The following ADGRB3 variants were observed in gnomAD, a reference collection of about 807,000 sequenced individuals.
The protein encoded by ADGRB3 is brain-specific angiogenesis inhibitor 3.
In ADGRB3, 37 loss-of-function variants were observed where a neutral mutation model predicts 193.4. That is an observed-to-expected ratio of 0.19 (90% CI 0.15 to 0.25). ADGRB3 has a LOEUF of 0.25. Ranked by LOEUF, ADGRB3 falls within the 10% of genes least tolerant of loss-of-function variation. ADGRB3 has a pLI of 1.00. For synonymous variants in ADGRB3, 690 were observed against 644.2 expected, an observed-to-expected ratio of 1.07 and a Z score of -1.08; for missense variants, 1,637 against 1,852.9, an observed-to-expected ratio of 0.88 and a Z score of 2.14.
chr6:68,970,886 A>G (rs1192430060), intron 8 of ADGRB3, among the ~76,000 whole-genome samples: 8 of 152,346 alleles, frequency 5.3e-5, no homozygotes, highest in Admixed American at 4.6e-4. Context: ...TGACTAGAAG[A>G]TGGATCCAAT....
intron 20 of ADGRB3, among the ~76,000 whole-genome samples, chr6:69,269,121 T>G (rs1230564534): frequency 6.6e-6 from 1 of 152,176 alleles, no homozygotes; most frequent in Non-Finnish European, 1.5e-5. Context: ...CATCCTCCCC[T>G]TTAGAAACGC....
At chr6:69,387,636 G>A (rs752605080) in intron 31 of ADGRB3, among the ~76,000 whole-genome samples, 1 of 152,006 alleles carries the variant, frequency 6.6e-6, no homozygotes, top group Non-Finnish European at 1.5e-5. Context: ...CTGGGCTTAA[G>A]CAATCCTCCT....
chr6:68,931,849 A>T (rs189037619), intron 4 of ADGRB3, among the ~76,000 whole-genome samples: 1 of 152,266 alleles, frequency 6.6e-6, no homozygotes, highest in African/African-American at 2.4e-5. Flanking sequence ...TTTTACAAGG[A>T]TTCACTTTTA....
At position 68,850,984 on chromosome 6, in the gene ADGRB3, T is replaced by A. The variant is rs145374692; in HGVS notation, c.758-79575T>A. On this transcript the variant is annotated intron_variant, in intron 3 of 31. Coordinates refer to ENST00000370598, the MANE Select transcript of ADGRB3 (RefSeq NM_001704.3). ...ATTTTTGAAGAATTTACATTCTCAA[T>A]GTGTTATTTAATAATATGAAATAAT... 6.6e-5 allele frequency among the ~76,000 whole-genome samples: 10 copies of A among 152,126 alleles called. No individual in the cohort carries two copies. The East Asian group carries it at 1.9e-3, about 29-fold the overall frequency.
intron 6 of ADGRB3, among the ~76,000 whole-genome samples, chr6:68,947,441 A>G (rs1054646709): frequency 3.3e-5 from 5 of 152,030 alleles, no homozygotes; most frequent in South Asian, 2.1e-4. Flanking sequence ...TTCTCTCTCC[A>G]TGCAACTCTA....
rs553197473 is a variant in ADGRB3, at chr6:68,886,167, T to C, written c.758-44392T>C. Reference sequence around the variant, plus strand: ...CTCAGAACCAGGAGCTGAAAGTACCTGTATCTCCACTGTTGTCAAATTCTG... The same window carrying C: ...CTCAGAACCAGGAGCTGAAAGTACCCGTATCTCCACTGTTGTCAAATTCTG... On this transcript the variant is annotated intron_variant, in intron 3 of 31. Transcript: ENST00000370598. 4.6e-5 allele frequency among the ~76,000 whole-genome samples: 7 copies of C among 152,246 alleles called. No homozygotes were observed. The East Asian group carries it at 5.8e-4, about 13-fold the overall frequency.
intron 3 of ADGRB3, among the ~76,000 whole-genome samples, chr6:68,875,152 CCTTCCTTCCTTCCTT>C (rs1765561081): frequency 1.0e-4 from 3 of 29,758 alleles, no homozygotes; most frequent in African/African-American, 4.3e-4. Flanking sequence ...ATTTCTTTCT[CCTTCCTTCCTTCCTT>C]CCTTCCTTCC....
chr6:69,308,396 G>A (rs963669545), intron 20 of ADGRB3, among the ~76,000 whole-genome samples: 7 of 149,908 alleles, frequency 4.7e-5, no homozygotes, highest in Non-Finnish European at 1.0e-4. Flanking sequence ...TGGAGGAATT[G>A]AGGAAGATAT....
chr6:68,787,745 G>T (rs1335094436), intron 3 of ADGRB3, among the ~76,000 whole-genome samples: 1 of 151,956 alleles, frequency 6.6e-6, no homozygotes, highest in Non-Finnish European at 1.5e-5. Context: ...GCTCCTATTT[G>T]TACCTCTGGT....
chr6:69,305,494 T>C (rs1360123698), intron 20 of ADGRB3, among the ~76,000 whole-genome samples: 1 of 151,488 alleles, frequency 6.6e-6, no homozygotes, highest in Non-Finnish European at 1.5e-5. Flanking sequence ...CTGACTTACT[T>C]TGAATATTTT....
intron 3 of ADGRB3, among the ~76,000 whole-genome samples, chr6:68,754,739 T>TA (rs11450503): frequency 0.39 from 58,063 of 150,250 alleles, 12,196 homozygotes; most frequent in African/African-American, 0.56. Context: ...TAAGGAAATT[T>TA]AAAAAAAAAA....
Position 68,814,588 on chromosome 6 carries a change from A to G in ADGRB3, c.758-115971A>G, listed in dbSNP as rs538844676. Among the ~76,000 whole-genome samples the G allele has an allele frequency of 1.4e-4, 22 of 152,226 alleles. No homozygotes were observed. The East Asian group carries it at 4.3e-3, about 29-fold the overall frequency. On this transcript the variant is annotated intron_variant, in intron 3 of 31. Transcript: ENST00000370598. ...TTTGTCAATTTTGGCTTTTGTTGCC[A>G]TTGCTTTTGGTGTTTTATACATGAA...
chr6:69,386,522 A>C (rs1370052146), intron 31 of ADGRB3, among the ~76,000 whole-genome samples: 1 of 152,064 alleles, frequency 6.6e-6, no homozygotes, highest in East Asian at 1.9e-4. Context: ...GTGCCCCTAA[A>C]CGTTCAACAT....
intron 4 of ADGRB3, among the ~76,000 whole-genome samples, chr6:68,930,953 AAGAC>A (rs1332408926): frequency 2.6e-5 from 4 of 152,084 alleles, no homozygotes; most frequent in East Asian, 1.9e-4. Context: ...CTTTTAAAGA[AAGAC>A]AGCCAAAGTT....
chr6:68,685,274 T>C (rs1010555206), intron 3 of ADGRB3, among the ~76,000 whole-genome samples: 17 of 152,164 alleles, frequency 1.1e-4, no homozygotes, highest in African/African-American at 4.1e-4. Context: ...AAAGAAGTTA[T>C]AAATTATTGT....
intron 3 of ADGRB3, among the ~76,000 whole-genome samples, chr6:68,837,109 A>G (rs1160068755): frequency 6.6e-6 from 1 of 152,196 alleles, no homozygotes; most frequent in African/African-American, 2.4e-5. Context: ...AAATATATTA[A>G]TTTATTAAAT....
At chr6:69,043,853 G>C (rs1050398343) in intron 13 of ADGRB3, among the ~76,000 whole-genome samples, 1 of 152,156 alleles carries the variant, frequency 6.6e-6, no homozygotes, top group Non-Finnish European at 1.5e-5. Context: ...GAGACTGATA[G>C]AGGATGCTAT....
intron 17 of ADGRB3, among the ~76,000 whole-genome samples, chr6:69,119,602 T>C (rs533876022): frequency 1.6e-3 from 247 of 152,226 alleles, no homozygotes; most frequent in African/African-American, 5.8e-3. Context: ...TTTGTGTGTG[T>C]GTGTAATCAC....
intron 3 of ADGRB3, among the ~76,000 whole-genome samples, chr6:68,826,122 G>A (rs1159905974): frequency 1.3e-5 from 2 of 152,076 alleles, no homozygotes; most frequent in South Asian, 4.1e-4. Flanking sequence ...AAAAGTGAGC[G>A]AAACAGACAA....
Sources: allele counts gnomAD v4.1 joint callset (sites outside exome capture counted in the v4.1 genomes callset), GRCh38; gene constraint gnomAD v4.1.1; transcripts MANE v1.5; gene names NCBI Gene and HGNC (gene_info 2026-07-23, HGNC 2026-07-21).